FAM13C: variants seen among roughly 807,000 people sequenced by gnomAD.
The protein encoded by FAM13C is family with sequence similarity 13 member C.
Under a neutral mutation model 73.2 loss-of-function variants are expected in FAM13C, and 37 were observed. The ratio of observed to expected loss-of-function variants is 0.51; its 90% CI spans 0.39 to 0.67. The LOEUF (loss-of-function observed/expected upper bound fraction) is 0.67. FAM13C is among the 30% of genes least tolerant of loss of function. The pLI is 0.00. For synonymous variants in FAM13C, 246 were observed against 260.9 expected, an observed-to-expected ratio of 0.94 and a Z score of 0.55; for missense variants, 589 against 715.6, an observed-to-expected ratio of 0.82 and a Z score of 2.02.
chr10:59,350,218 T>C (rs1031949736), intron 3 of FAM13C, among the ~76,000 whole-genome samples: 1 of 152,216 alleles, frequency 6.6e-6, no homozygotes. Context: ...TGCTGTATTA[T>C]GAGCAAAGAC....
chr10:59,341,710 A>G (rs1042964044), intron 3 of FAM13C, among the ~76,000 whole-genome samples: 1 of 152,160 alleles, frequency 6.6e-6, no homozygotes, highest in Non-Finnish European at 1.5e-5. Context: ...GGAAAAAGAA[A>G]GAAAGAAATC....
At chr10:59,256,079 A>C (rs1484295158) in intron 10 of FAM13C, among the ~76,000 whole-genome samples, 5 of 152,148 alleles carry the variant, frequency 3.3e-5, no homozygotes, top group Non-Finnish European at 5.9e-5. Flanking sequence ...AATAACCTCA[A>C]GATCTTTTCA....
At chr10:59,352,226 G>C in intron 3 of FAM13C, 44 bp downstream of exon 3, 1 of 1,607,298 alleles carries the variant, frequency 6.2e-7, no homozygotes, top group Non-Finnish European at 8.5e-7. Flanking sequence ...CCTAGCCTAA[G>C]AATCACCCGT....
At chr10:59,328,872 T>A (rs1851540720) in intron 3 of FAM13C, among the ~76,000 whole-genome samples, 1 of 152,234 alleles carries the variant, frequency 6.6e-6, no homozygotes, top group Admixed American at 6.5e-5. Context: ...GAAAATCTTA[T>A]ATTTTCAGTT....
chr10:59,292,315 A>G (rs1846355604), intron 5 of FAM13C, among the ~76,000 whole-genome samples: 1 of 152,228 alleles, frequency 6.6e-6, no homozygotes, highest in Non-Finnish European at 1.5e-5. Context: ...TGAACTCCAA[A>G]GCTAGTCTGG....
rs773688669 is a variant in FAM13C at position 59,324,000 on chromosome 10, C to T, written c.431G>A (p.Arg144Gln). The change falls in exon 4 of 14, where the codon CGA becomes CAA. Residue 144 changes from arginine (R) to glutamine (Q), a missense_variant. Physicochemically the swap from Arg to Gln is conservative, Grantham distance 43. Coordinates refer to ENST00000618804, the MANE Select transcript of FAM13C (RefSeq NM_198215.4). Reference sequence around the variant, plus strand: ...ACAAAGGGCCCACCTTGGTTGAAGTCGCACTGTTTCTTGGCACTTGAAGGC... The same window carrying T: ...ACAAAGGGCCCACCTTGGTTGAAGTTGCACTGTTTCTTGGCACTTGAAGGC... ...NNAFKCQETV[R>Q]LQPRIDQRTA... is the part of the protein sequence containing the mutation. 53 of 1,613,800 alleles carry T rather than the reference C, an allele frequency of 3.3e-5. No individual in the cohort carries two copies. The highest frequency in any genetic ancestry group is 8.9e-5 in the East Asian group (4 of 44,878).
At chr10:59,313,550 A>G (rs542615813) in intron 4 of FAM13C, among the ~76,000 whole-genome samples, 2 of 152,276 alleles carry the variant, frequency 1.3e-5, no homozygotes, top group South Asian at 2.1e-4. Flanking sequence ...TGTCTGAATC[A>G]CATGTCCAAG....
At chr10:59,321,685 A>C (rs1209910192) in intron 4 of FAM13C, among the ~76,000 whole-genome samples, 2 of 152,054 alleles carry the variant, frequency 1.3e-5, no homozygotes, top group African/African-American at 4.8e-5. Context: ...GAGGACTCTG[A>C]GAGCTGTAGG....
chr10:59,337,667 C>CTTTTTTTTTTTTTTTTTTTTT (rs3078327), intron 3 of FAM13C, among the ~76,000 whole-genome samples: 14 of 71,036 alleles, frequency 2.0e-4, no homozygotes, highest in African/African-American at 4.7e-4. Context: ...TTTTCTTTTT[C>CTTTTTTTTTTTTTTTTTTTTT]TTTTTTTTTT....
intron 4 of FAM13C, chr10:59,323,413 G>T (rs547677764): frequency 1.0e-3 from 157 of 156,020 alleles, no homozygotes; most frequent in African/African-American, 3.3e-3. Flanking sequence ...CTATGTCAGG[G>T]CTAAGGTCAC....
chr10:59,332,655 A>G (rs956953034), intron 3 of FAM13C, among the ~76,000 whole-genome samples: 3 of 152,224 alleles, frequency 2.0e-5, no homozygotes, highest in Non-Finnish European at 1.5e-5. Flanking sequence ...TCTGTTCCTT[A>G]TGTTCTACTT....
intron 1 of FAM13C, among the ~76,000 whole-genome samples, chr10:59,356,346 C>G (rs1855711136): frequency 1.3e-5 from 2 of 152,154 alleles, no homozygotes; most frequent in African/African-American, 4.8e-5. Context: ...CCAAACCAGC[C>G]TCCATTTAGT....
intron 4 of FAM13C, among the ~76,000 whole-genome samples, chr10:59,322,097 G>C (rs1314945300): frequency 6.6e-6 from 1 of 152,120 alleles, no homozygotes; most frequent in Non-Finnish European, 1.5e-5. Flanking sequence ...AAACAGAAGA[G>C]GAAGGTTATC....
chr10:59,263,925 G>C (rs1362935322), intron 9 of FAM13C, 160 bp downstream of exon 9: 5 of 667,310 alleles, frequency 7.5e-6, no homozygotes, highest in Non-Finnish European at 1.1e-5. Flanking sequence ...AACAATGACA[G>C]AGATACAGGG....
chr10:59,360,937 G>A, intron 1 of FAM13C: 1 of 958,026 alleles, frequency 1.0e-6, no homozygotes, highest in South Asian at 1.3e-5. Context: ...GCCTGTGACT[G>A]ACCGAGGATT....
intron 9 of FAM13C, 34 bp downstream of exon 9, chr10:59,264,051 T>C: frequency 6.3e-7 from 1 of 1,586,286 alleles, no homozygotes; most frequent in Non-Finnish European, 8.7e-7. Flanking sequence ...ACTGCTTCCT[T>C]TGTGAGGAAA....
At chr10:59,266,299 G>C (rs1209499726) in intron 8 of FAM13C, among the ~76,000 whole-genome samples, 1 of 152,164 alleles carries the variant, frequency 6.6e-6, no homozygotes, top group Admixed American at 6.5e-5. Context: ...TAGAGATGTA[G>C]AGAATTTGGG....
At chr10:59,317,840 C>A (rs1849724336) in intron 4 of FAM13C, among the ~76,000 whole-genome samples, 5 of 151,862 alleles carry the variant, frequency 3.3e-5, no homozygotes, top group Admixed American at 3.3e-4. Context: ...GTGTGCTGCA[C>A]CCATTAACTC....
At position 59,324,109 on chromosome 10, in the gene FAM13C, GC is replaced by G. The variant is rs1378726473; in HGVS notation, c.325-4del. ...CTGGATACCACATGCTCTGTCTCCTGCAAGAAGAAAGAGCAAAAGTAGATGA... is the reference window on the plus strand; with the variant it reads ...CTGGATACCACATGCTCTGTCTCCTGAAGAAGAAAGAGCAAAAGTAGATGA... On this transcript the variant is annotated splice_region_variant and splice_polypyrimidine_tract_variant and intron_variant, in intron 3 of 13. Coordinates refer to ENST00000618804, the MANE Select transcript of FAM13C (RefSeq NM_198215.4). 6.2e-7 allele frequency: 1 copy of G among 1,607,890 alleles called. No individual in the cohort carries two copies. Among genetic ancestry groups the G allele is most frequent in the East Asian group, 2.2e-5 (1 of 44,788 alleles).
Sources: allele counts gnomAD v4.1 joint callset (sites outside exome capture counted in the v4.1 genomes callset), GRCh38; gene constraint gnomAD v4.1.1; transcripts MANE v1.5; gene names NCBI Gene and HGNC (gene_info 2026-07-23, HGNC 2026-07-21).